SOX6: variants seen among roughly 807,000 people sequenced by gnomAD.
SOX6 encodes SRY-box transcription factor 6.
A neutral mutation model predicts 97.8 loss-of-function variants in SOX6; 11 were observed. The ratio of observed to expected loss-of-function variants is 0.11; its 90% CI spans 0.07 to 0.19. SOX6 has a LOEUF of 0.19. SOX6 is among the 10% of genes least tolerant of loss of function. SOX6 has a pLI of 1.00. For missense variants in SOX6, 810 were observed against 1,039.5 expected (o/e 0.78, Z 3.04); for synonymous variants, 360 against 371.4 (o/e 0.97, Z 0.35).
intron 13 of SOX6, among the ~76,000 whole-genome samples, chr11:15,997,658 T>A (rs915313273): frequency 6.6e-6 from 1 of 152,096 alleles, no homozygotes; most frequent in Non-Finnish European, 1.5e-5. Context: ...CTCAGGAAAT[T>A]AGTATTAAAA....
chr11:16,622,265 C>T (rs1390111162), intron 3 of SOX6, among the ~76,000 whole-genome samples: 1 of 152,032 alleles, frequency 6.6e-6, no homozygotes, highest in African/African-American at 2.4e-5. Flanking sequence ...TTTGTGTATA[C>T]TGATTTATTT....
chr11:16,276,525 T>G (rs901570568), intron 3 of SOX6, among the ~76,000 whole-genome samples: 2 of 152,184 alleles, frequency 1.3e-5, no homozygotes, highest in Non-Finnish European at 2.9e-5. Flanking sequence ...TTTTTTAACC[T>G]TGATTACCTC....
At chr11:16,113,455 C>T (rs1422304598) in intron 6 of SOX6, among the ~76,000 whole-genome samples, 1 of 152,112 alleles carries the variant, frequency 6.6e-6, no homozygotes, top group Non-Finnish European at 1.5e-5. Context: ...GGAGCTGATC[C>T]CCCAGTGCCC....
chr11:16,355,741 A>C (rs937745379), intron 1 of SOX6, among the ~76,000 whole-genome samples: 2 of 152,090 alleles, frequency 1.3e-5, no homozygotes, highest in African/African-American at 4.8e-5. Flanking sequence ...TTTATTGAAA[A>C]GATTCATGTA....
chr11:16,428,861 A>G (rs1859211394), intron 1 of SOX6, among the ~76,000 whole-genome samples: 1 of 152,168 alleles, frequency 6.6e-6, no homozygotes, highest in South Asian at 2.1e-4. Context: ...AATTCTATGA[A>G]GAAAGTCATT....
intron 1 of SOX6, chr11:16,402,565 C>T: frequency 7.7e-7 from 1 of 1,290,332 alleles, no homozygotes; most frequent in African/African-American, 1.5e-5. Context: ...ACACTGGAAT[C>T]TCAGAGATGG....
intron 12 of SOX6, among the ~76,000 whole-genome samples, chr11:16,028,316 A>C (rs1167142158): frequency 6.6e-6 from 1 of 152,182 alleles, no homozygotes; most frequent in Non-Finnish European, 1.5e-5. Context: ...AGGCTGCACA[A>C]CTTGTTTGAA....
At chr11:16,008,536 G>A (rs1455594984) in intron 13 of SOX6, among the ~76,000 whole-genome samples, 1 of 152,050 alleles carries the variant, frequency 6.6e-6, no homozygotes, top group Non-Finnish European at 1.5e-5. Flanking sequence ...GCAACAATAA[G>A]CAGCAGGTTG....
In SOX6 at chr11:16,587,488, C is replaced by A. The variant is rs547010340; in HGVS notation, n.609+24593G>T. On this transcript the variant is annotated intron_variant and non_coding_transcript_variant, in intron 4 of 5. Transcript: ENST00000524520. ...TAGTATATAGGTACTATTATTATCA[C>A]CATCTTATGAAAGCATCCAGAAATA... 1.6e-4 allele frequency among the ~76,000 whole-genome samples: 24 copies of A among 152,272 alleles called. No homozygotes were observed. In the South Asian group the frequency reaches 4.6e-3, roughly 29 times the overall value.
At chr11:16,345,696 A>G (rs1011721701) in intron 1 of SOX6, among the ~76,000 whole-genome samples, 8 of 152,072 alleles carry the variant, frequency 5.3e-5, no homozygotes. Flanking sequence ...TAAGTCTTCT[A>G]TCTCAGAATA....
At chr11:16,570,298 C>T (rs1392773625) in intron 4 of SOX6, among the ~76,000 whole-genome samples, 1 of 151,896 alleles carries the variant, frequency 6.6e-6, no homozygotes, top group Non-Finnish European at 1.5e-5. Context: ...ATACAGTCAG[C>T]AGCTAATAAA....
At chr11:15,989,512 T>C (rs1853976938) in intron 13 of SOX6, among the ~76,000 whole-genome samples, 1 of 152,200 alleles carries the variant, frequency 6.6e-6, no homozygotes, top group African/African-American at 2.4e-5. Context: ...TGACATTACC[T>C]TATGGTAAAC....
At chr11:16,720,231 G>A (rs1165321184) in intron 2 of SOX6, among the ~76,000 whole-genome samples, 1 of 149,928 alleles carries the variant, frequency 6.7e-6, no homozygotes, top group African/African-American at 2.5e-5. Flanking sequence ...CTGCTATAAA[G>A]ACACATGCAC....
chr11:16,652,532 A>C (rs1016394814), intron 3 of SOX6, among the ~76,000 whole-genome samples: 3 of 152,206 alleles, frequency 2.0e-5, no homozygotes, highest in African/African-American at 4.8e-5. Flanking sequence ...TTATTTAACA[A>C]ATAGTGCTGG....
intron 1 of SOX6, among the ~76,000 whole-genome samples, chr11:16,386,924 G>C (rs1377547050): frequency 6.6e-6 from 1 of 152,058 alleles, no homozygotes; most frequent in Non-Finnish European, 1.5e-5. Flanking sequence ...AATGGATTTA[G>C]GAGATTCTCT....
chr11:16,428,059 T>C (rs1020704486), intron 1 of SOX6, among the ~76,000 whole-genome samples: 2 of 152,256 alleles, frequency 1.3e-5, no homozygotes, highest in Non-Finnish European at 2.9e-5. Context: ...GTGGTTTTGA[T>C]ATGCATTTCT....
At chr11:16,673,750 A>G (rs1345227374) in intron 3 of SOX6, among the ~76,000 whole-genome samples, 1 of 152,198 alleles carries the variant, frequency 6.6e-6, no homozygotes, top group East Asian at 1.9e-4. Flanking sequence ...TTCCAAACTC[A>G]TTATATGAGG....
chr11:16,500,364 G>C (rs1860683505), intron 4 of SOX6, among the ~76,000 whole-genome samples: 1 of 152,136 alleles, frequency 6.6e-6, no homozygotes, highest in South Asian at 2.1e-4. Context: ...ATAGTGAATA[G>C]GCAAAAACTG....
At chr11:16,191,492 T>C (rs1350278973) in intron 4 of SOX6, among the ~76,000 whole-genome samples, 2 of 152,102 alleles carry the variant, frequency 1.3e-5, no homozygotes, top group Non-Finnish European at 2.9e-5. Context: ...TCCTAAATCA[T>C]GTTTGGAGGT....
Sources: gnomAD v4.1 joint callset for allele counts (sites outside exome capture counted in the v4.1 genomes callset) on GRCh38, gnomAD v4.1.1 for gene constraint, MANE v1.5 for transcripts, NCBI Gene and HGNC (gene_info 2026-07-23, HGNC 2026-07-21) for gene names.